The following SLC26A9 variants were observed in gnomAD, a reference collection of about 807,000 sequenced individuals.
SLC26A9 encodes the protein solute carrier family 26 member 9, also known as anion transporter/exchanger protein 9.
In SLC26A9, 46 loss-of-function variants were observed where a neutral mutation model predicts 87.1. The ratio of observed to expected loss-of-function variants is 0.53; its 90% CI spans 0.42 to 0.67. The LOEUF (loss-of-function observed/expected upper bound fraction) is 0.67, where lower values mean the gene tolerates loss of function less well. SLC26A9 is among the 30% of genes least tolerant of loss of function. The probability of loss-of-function intolerance (pLI) is 0.00; values close to 1 mark genes in which losing one functional copy is unlikely to be tolerated. For synonymous variants in SLC26A9, 437 were observed against 409.1 expected, an observed-to-expected ratio of 1.07 and a Z score of -0.82; for missense variants, 927 against 1,018.3, an observed-to-expected ratio of 0.91 and a Z score of 1.22.
At chr1:205,919,491 C>T (rs867995252) in intron 18 of SLC26A9, among the ~76,000 whole-genome samples, 13 of 152,254 alleles carry the variant, frequency 8.5e-5, no homozygotes, top group African/African-American at 2.4e-4. Flanking sequence ...ATTCTCTCCC[C>T]GAACGTGGCC....
intron 1 of SLC26A9, among the ~76,000 whole-genome samples, chr1:205,936,321 G>T (rs1019006547): frequency 6.6e-6 from 1 of 152,238 alleles, no homozygotes; most frequent in Non-Finnish European, 1.5e-5. Context: ...GAGGCAGGGG[G>T]ATAGCTGAGA....
intron 8 of SLC26A9, 127 bp downstream of exon 8, chr1:205,928,700 T>C: frequency 2.4e-6 from 2 of 837,250 alleles, no homozygotes; most frequent in Non-Finnish European, 3.9e-6. Context: ...TAATAATTCA[T>C]ACATGGTCAG....
chr1:205,940,337 C>T (rs1659686224), intron 1 of SLC26A9, among the ~76,000 whole-genome samples: 1 of 152,160 alleles, frequency 6.6e-6, no homozygotes. Flanking sequence ...CAAAGCACGC[C>T]CCTGGTACCT....
intron 19 of SLC26A9, 44 bp from the exon 20 acceptor site, chr1:205,917,398 A>T (rs1203467017): frequency 6.2e-7 from 1 of 1,605,886 alleles, no homozygotes; most frequent in East Asian, 2.2e-5. Context: ...CAGTGACTGA[A>T]CAGCAAAGTT....
chr1:205,933,545 C>T (rs190359230), intron 2 of SLC26A9, among the ~76,000 whole-genome samples: 9 of 152,334 alleles, frequency 5.9e-5, no homozygotes, highest in East Asian at 1.9e-4. Context: ...AACCCCACCA[C>T]GCATGGCAAG....
At chr1:205,941,248 A>G (rs1659731379) in intron 1 of SLC26A9, among the ~76,000 whole-genome samples, 1 of 152,138 alleles carries the variant, frequency 6.6e-6, no homozygotes, top group African/African-American at 2.4e-5. Flanking sequence ...GGCTCACCAC[A>G]GGGTGCACTT....
chr1:205,930,583 C>T (rs1404033830), intron 5 of SLC26A9, among the ~76,000 whole-genome samples: 1 of 152,174 alleles, frequency 6.6e-6, no homozygotes, highest in Non-Finnish European at 1.5e-5. Context: ...GTAGCCCAAA[C>T]GATCCTTATA....
In SLC26A9 at chr1:205,928,878, C is replaced by T. The variant is rs1193531834; in HGVS notation, c.902G>A (p.Cys301Tyr). 2 of 1,614,134 alleles carry T rather than the reference C, an allele frequency of 1.2e-6. No individual in the cohort carries two copies. Among genetic ancestry groups the T allele is most frequent in the South Asian group, 1.1e-5 (1 of 91,080 alleles). ...CATGTGATACTTTTTGGGCATCTTA[C>T]AGCCCCCGGAGATAGCTGTTGCCAC... ...VVVATAISGG[C>Y]KMPKKYHMQI... Residue 301 changes from cysteine (C) to tyrosine (Y), a missense_variant, in exon 8 of 21, where the codon TGT (cysteine) becomes TAT (tyrosine). Coordinates refer to ENST00000367135, the MANE Select transcript of SLC26A9 (RefSeq NM_052934.4).
intron 6 of SLC26A9, 21 bp from the exon 7 acceptor site, chr1:205,929,377 C>T (rs756175020): frequency 1.9e-6 from 3 of 1,610,762 alleles, no homozygotes; most frequent in Non-Finnish European, 2.5e-6. Context: ...GAGCATCATG[C>T]TCACAGGCTC....
chr1:205,918,309 A>C (rs2102571457), intron 19 of SLC26A9, among the ~76,000 whole-genome samples: 1 of 148,126 alleles, frequency 6.8e-6, no homozygotes, highest in Non-Finnish European at 1.5e-5. Context: ...TGTTATTTGT[A>C]TCCCATTTGT....
At position 205,914,880 on chromosome 1, in the gene SLC26A9, C is replaced by A. The variant is rs201167041; in HGVS notation, c.*477G>T. On this transcript the variant is annotated 3_prime_UTR_variant, in exon 21 of 21. Coordinates refer to ENST00000367135, the MANE Select transcript of SLC26A9 (RefSeq NM_052934.4). ...TGGGGAAGGCAAGCCAGAGTCCTAA[C>A]CAAGTTTATCCCTATGTCCGTGACA... 1.7e-4 allele frequency: 265 copies of A among 1,599,908 alleles called. 2 individuals are homozygous for A. The African/African-American group carries it at 3.0e-3, about 18-fold the overall frequency.
rs773769150 is a variant in SLC26A9, at chr1:205,932,801, C to A, written c.277G>T (p.Ala93Ser). The A allele has an allele frequency of 2.5e-6, 4 of 1,595,712 alleles. No individual in the cohort carries two copies. The highest frequency in any genetic ancestry group is 1.2e-5 in the South Asian group (1 of 86,926). Residue 93 changes from alanine to serine, a missense_variant, in exon 4 of 21, where the codon GCT becomes TCT. Transcript: ENST00000367135. ...ACTGCAGGAAGGTTGGCCAGCAGAG[C>A]AAATGCCATGCCTGCAGAGGACAAC... ...SIQVPQGMAF[A>S]LLANLPAVNG...
At chr1:205,938,823 C>T (rs1330712585) in intron 1 of SLC26A9, among the ~76,000 whole-genome samples, 2 of 152,214 alleles carry the variant, frequency 1.3e-5, no homozygotes, top group African/African-American at 2.4e-5. Flanking sequence ...GTGCACCCCT[C>T]CAGCCTGTAC....
chr1:205,938,718 C>G (rs978855361), intron 1 of SLC26A9, among the ~76,000 whole-genome samples: 1 of 152,178 alleles, frequency 6.6e-6, no homozygotes, highest in Non-Finnish European at 1.5e-5. Flanking sequence ...CCTCTCCTTC[C>G]TCTCCCACTC....
intron 13 of SLC26A9, 108 bp from the exon 14 acceptor site, chr1:205,923,721 T>A: frequency 8.5e-7 from 1 of 1,178,758 alleles, no homozygotes; most frequent in Non-Finnish European, 1.3e-6. Context: ...TGGGGTCCTG[T>A]CCTCACCCCC....
At chr1:205,937,394 G>A (rs779886426) in intron 1 of SLC26A9, among the ~76,000 whole-genome samples, 1 of 152,212 alleles carries the variant, frequency 6.6e-6, no homozygotes, top group Non-Finnish European at 1.5e-5. Context: ...TAAGGGCAAT[G>A]GCATGTGAGA....
chr1:205,931,134 A>AGCAGAATCCTTTGCAACCATTT (rs765448022), intron 5 of SLC26A9, among the ~76,000 whole-genome samples: 99 of 152,254 alleles, frequency 6.5e-4, no homozygotes, highest in Non-Finnish European at 1.1e-3. Flanking sequence ...CATAAAACCT[A>AGCAGAATCCTTTGCAACCATTT]GCAGAATCCT....
chr1:205,937,952 AG>A lies in SLC26A9; in HGVS notation c.-18-2115del, dbSNP rs567379226. Among the ~76,000 whole-genome samples the A allele has an allele frequency of 1.7e-3, 262 of 152,242 alleles. 1 individual carries two copies. Among genetic ancestry groups the A allele is most frequent in the African/African-American group, 6.1e-3 (254 of 41,538 alleles). On this transcript the variant is annotated intron_variant, in intron 1 of 20. Transcript: ENST00000367135. Reference sequence around the variant, plus strand: ...AGTCAGAAAAGAAGAGCCCTTTGGAAGAGGAGGTGATGGGTGATCTTGCTTC... The same window carrying A: ...AGTCAGAAAAGAAGAGCCCTTTGGAAAGGAGGTGATGGGTGATCTTGCTTC...
At chr1:205,932,253 T>A (rs746047298) in intron 4 of SLC26A9, among the ~76,000 whole-genome samples, 3 of 152,192 alleles carry the variant, frequency 2.0e-5, no homozygotes, top group Non-Finnish European at 2.9e-5. Context: ...ACAGGACACG[T>A]GAGAAAATGA....
Sources: gnomAD v4.1 joint callset for allele counts (sites outside exome capture counted in the v4.1 genomes callset) on GRCh38, gnomAD v4.1.1 for gene constraint, MANE v1.5 for transcripts, NCBI Gene and HGNC (gene_info 2026-07-23, HGNC 2026-07-21) for gene names.